Variants in WFDC10B observed in about 807,000 individuals in gnomAD.
WFDC10B encodes WAP four-disulfide core domain 10B, also known as protein WFDC10B.
A neutral mutation model predicts 2.7 loss-of-function variants in WFDC10B; 1 was observed. That is an observed-to-expected ratio of 0.38 (90% confidence interval 0.13 to 1.79). The LOEUF (loss-of-function observed/expected upper bound fraction) is 1.79, where lower values mean the gene tolerates loss of function less well. WFDC10B is among the 40% of genes most tolerant of loss of function. WFDC10B has a pLI of 0.33. For missense variants in WFDC10B, 71 were observed against 87.8 expected (o/e 0.81, Z 0.76); for synonymous variants, 26 against 32.2 (o/e 0.81, Z 0.65).
In WFDC10B at chr20:45,684,968, G is replaced by T. The variant is rs554879097; in HGVS notation, c.92-8C>A. 3.7e-6 allele frequency: 6 copies of T among 1,613,552 alleles called. No individual in the cohort carries two copies. In the South Asian group the frequency reaches 6.6e-5, roughly 18 times the overall value. On this transcript the variant is annotated splice_region_variant and splice_polypyrimidine_tract_variant and intron_variant, in intron 3 of 3. Coordinates refer to ENST00000330523, the MANE Select transcript of WFDC10B (RefSeq NM_172006.2). ...TCTCACAGACCTTGATTCCTGAAAT[G>T]ATGCAGGAGCAGGGTCAATGAAACC...
chr20:45,699,684 T>A (rs4812956), intron 2 of WFDC10B, among the ~76,000 whole-genome samples: 2,131 of 152,310 alleles, frequency 0.014, 89 homozygotes, highest in Admixed American at 0.099. Flanking sequence ...ATTTATCCTC[T>A]TTTTTCTCTT....
At chr20:45,688,906 G>T (rs559886789) in intron 2 of WFDC10B, among the ~76,000 whole-genome samples, 38 of 151,974 alleles carry the variant, frequency 2.5e-4, no homozygotes, top group Non-Finnish European at 2.8e-4. Flanking sequence ...TAGACATGAA[G>T]TCCTTGCCCA....
At chr20:45,703,458 C>A (rs1367542358) in intron 2 of WFDC10B, among the ~76,000 whole-genome samples, 2 of 152,188 alleles carry the variant, frequency 1.3e-5, no homozygotes, top group Non-Finnish European at 2.9e-5. Flanking sequence ...CTATAGATTT[C>A]CTTCTAATTG....
chr20:45,695,175 C>T (rs1337595572), intron 2 of WFDC10B, among the ~76,000 whole-genome samples: 4 of 152,122 alleles, frequency 2.6e-5, no homozygotes, highest in Admixed American at 1.3e-4. Flanking sequence ...GTGCAGGAGG[C>T]CCAAGACTTG....
At chr20:45,685,122 A>T (rs1001959132) in intron 3 of WFDC10B, among the ~76,000 whole-genome samples, 162 bp from the exon 4 acceptor site, 20 of 151,940 alleles carry the variant, frequency 1.3e-4, no homozygotes, top group African/African-American at 4.4e-4. Flanking sequence ...AATCCTAGTG[A>T]TTGGCAGTAT....
intron 2 of WFDC10B, among the ~76,000 whole-genome samples, chr20:45,699,142 T>A (rs1568673812): frequency 6.6e-6 from 1 of 152,104 alleles, no homozygotes; most frequent in Non-Finnish European, 1.5e-5. Context: ...CTGACAAGCA[T>A]GTGGAGAAAT....
intron 2 of WFDC10B, among the ~76,000 whole-genome samples, chr20:45,698,666 TG>T (rs1984049987): frequency 6.6e-6 from 1 of 151,078 alleles, no homozygotes; most frequent in Non-Finnish European, 1.5e-5. Flanking sequence ...AACAAGCACA[TG>T]AAAATATGCT....
chr20:45,690,546 A>G (rs1330734754), intron 2 of WFDC10B, among the ~76,000 whole-genome samples: 4 of 151,676 alleles, frequency 2.6e-5, no homozygotes, highest in African/African-American at 9.7e-5. Context: ...CAGAGATTCA[A>G]CTTCTTCCTG....
At chr20:45,698,663 A>G (rs2145641249) in intron 2 of WFDC10B, among the ~76,000 whole-genome samples, 1 of 152,050 alleles carries the variant, frequency 6.6e-6, no homozygotes, top group Admixed American at 6.6e-5. Flanking sequence ...ACCAACAAGC[A>G]CATGAAAATA....
chr20:45,692,793 G>T (rs6065864), intron 2 of WFDC10B, among the ~76,000 whole-genome samples: 1 of 151,912 alleles, frequency 6.6e-6, no homozygotes. Flanking sequence ...CCTGTAGCTC[G>T]TAGTTTGATC....
At chr20:45,687,042 C>T (rs943368066) in intron 2 of WFDC10B, among the ~76,000 whole-genome samples, 4 of 152,178 alleles carry the variant, frequency 2.6e-5, no homozygotes. Flanking sequence ...TTCTGGGGTA[C>T]ATGTGCAGGA....
intron 3 of WFDC10B, among the ~76,000 whole-genome samples, 154 bp downstream of exon 3, chr20:45,685,748 C>T (rs937685588): frequency 2.0e-5 from 3 of 152,182 alleles, no homozygotes; most frequent in East Asian, 1.9e-4. Flanking sequence ...GGTTGGAGGG[C>T]CATGGTTTGG....
At chr20:45,699,135 A>G (rs6104298) in intron 2 of WFDC10B, among the ~76,000 whole-genome samples, 28,808 of 152,152 alleles carry the variant, frequency 0.19, 2,988 homozygotes, top group East Asian at 0.32. Flanking sequence ...ATAAGTGCTG[A>G]CAAGCATGTG....
chr20:45,698,150 G>A lies in WFDC10B; in HGVS notation c.-65+6347C>T, dbSNP rs76665191. 5.6e-3 allele frequency among the ~76,000 whole-genome samples: 845 copies of A among 152,168 alleles called. 6 individuals are homozygous for A. Among genetic ancestry groups the A allele is most frequent in the African/African-American group, 0.019 (808 of 41,498 alleles). The stretch of plus-strand genomic sequence containing the variant: ...GTCTCCCATTTCCCCCATTTTGTGC[G>A]TTCTGAGTGAAAAACAGAGAGTGCC... On this transcript the variant is annotated intron_variant, in intron 2 of 3. Transcript: ENST00000330523.
intron 2 of WFDC10B, among the ~76,000 whole-genome samples, chr20:45,686,957 G>T (rs1158204559): frequency 6.6e-6 from 1 of 151,994 alleles, no homozygotes; most frequent in African/African-American, 2.4e-5. Context: ...CACCACACTC[G>T]GCCTAATTAT....
chr20:45,691,570 T>C (rs948055075), intron 2 of WFDC10B, among the ~76,000 whole-genome samples: 9 of 151,694 alleles, frequency 5.9e-5, no homozygotes, highest in Admixed American at 3.3e-4. Flanking sequence ...CTTGTTGAAT[T>C]GATCCCTTTA....
At chr20:45,692,998 G>A (rs1983864058) in intron 2 of WFDC10B, among the ~76,000 whole-genome samples, 1 of 152,100 alleles carries the variant, frequency 6.6e-6, no homozygotes, top group South Asian at 2.1e-4. Flanking sequence ...TGTAGAGATG[G>A]GTTTTTGGTG....
chr20:45,698,958 A>G (rs1984060125), intron 2 of WFDC10B, among the ~76,000 whole-genome samples: 1 of 89,996 alleles, frequency 1.1e-5, no homozygotes, highest in Admixed American at 1.1e-4. Context: ...ACAGAGTGAG[A>G]ATCCATCTAA....
At position 45,684,716 on chromosome 20, in the gene WFDC10B, T is replaced by A. The variant is rs945391246; in HGVS notation, c.*114A>T. 6 of 1,424,340 alleles carry A rather than the reference T, an allele frequency of 4.2e-6. No homozygotes were observed. Among genetic ancestry groups the A allele is most frequent in the Non-Finnish European group, 5.8e-6 (6 of 1,042,692 alleles). 88.2% of individuals were successfully genotyped at this position (1,424,340 alleles called of 1,614,324 possible). Reference sequence around the variant, plus strand: ...AGTTCAGACACTGGGGAGGGTGGCATTCCTGTTGATGTTCTTGTGCTGATG... The same window carrying A: ...AGTTCAGACACTGGGGAGGGTGGCAATCCTGTTGATGTTCTTGTGCTGATG... On this transcript the variant is annotated 3_prime_UTR_variant, in exon 4 of 4. Transcript: ENST00000330523.
Sources: allele counts gnomAD v4.1 joint callset (sites outside exome capture counted in the v4.1 genomes callset), GRCh38; gene constraint gnomAD v4.1.1; transcripts MANE v1.5; gene names NCBI Gene and HGNC (gene_info 2026-07-23, HGNC 2026-07-21).